Variants in WIPF2 observed in about 807,000 individuals in gnomAD.
The protein encoded by WIPF2 is WAS/WASL interacting protein family member 2.
WIPF2 carries 23 observed loss-of-function variants against 38.8 expected under a neutral mutation model. The observed-to-expected ratio is 0.59, with a 90% CI of 0.43 to 0.84. The LOEUF is 0.84. WIPF2 is among the 40% of genes least tolerant of loss of function. The pLI is 0.00. For synonymous variants in WIPF2, 210 were observed against 223.2 expected, an observed-to-expected ratio of 0.94 and a Z score of 0.53; for missense variants, 574 against 580.5, an observed-to-expected ratio of 0.99 and a Z score of 0.11.
Position 40,236,211 on chromosome 17 carries a change from C to T in WIPF2, c.-70+16719C>T, listed in dbSNP as rs569835107. On this transcript the variant is annotated intron_variant, in intron 1 of 7. Coordinates refer to ENST00000323571, the MANE Select transcript of WIPF2 (RefSeq NM_133264.5). ...TCGAACTCCTGACCTCGGGGTGATC[C>T]ACCCGCCTCAGCCTCCCAAAGTGCT... is the stretch of plus-strand genomic sequence containing the variant. Among the ~76,000 whole-genome samples, 16 of 148,658 alleles carry T rather than the reference C, an allele frequency of 1.1e-4. No individual in the cohort carries two copies. In the South Asian group the frequency reaches 3.2e-3, roughly 30 times the overall value.
rs900159988 is a variant in WIPF2, at chr17:40,236,104, G to A, written c.-70+16612G>A. Among the ~76,000 whole-genome samples, 5 of 151,574 alleles carry A rather than the reference G, an allele frequency of 3.3e-5. No homozygotes were observed. In the Admixed American group the frequency reaches 3.3e-4, roughly 10 times the overall value. ...ACCGCCCCGAGTTGCTGGGATTATA[G>A]GCATCTGCCACCACGCCTGGGCTAA... On this transcript the variant is annotated intron_variant, in intron 1 of 7. Coordinates refer to ENST00000323571, the MANE Select transcript of WIPF2 (RefSeq NM_133264.5).
chr17:40,243,289 AC>A (rs2031252799), intron 1 of WIPF2, among the ~76,000 whole-genome samples: 1 of 151,852 alleles, frequency 6.6e-6, no homozygotes, highest in African/African-American at 2.4e-5. Flanking sequence ...TGGTATACAA[AC>A]CCCCCACTGC....
intron 1 of WIPF2, among the ~76,000 whole-genome samples, chr17:40,255,628 ATTTTTTT>A (rs1174598826): frequency 2.3e-5 from 3 of 129,378 alleles, no homozygotes; most frequent in Admixed American, 7.9e-5. Flanking sequence ...CCCGGCCTAA[ATTTTTTT>A]TTTTTTTTTT....
Position 40,273,783 on chromosome 17 carries a change from A to C in WIPF2, c.971-7A>C, listed in dbSNP as rs1175428542. 6.2e-7 allele frequency: 1 copy of C among 1,601,268 alleles called. No individual in the cohort carries two copies. The highest frequency in any genetic ancestry group is 2.2e-5 in the East Asian group (1 of 44,704). On this transcript the variant is annotated splice_region_variant and splice_polypyrimidine_tract_variant and intron_variant, in intron 5 of 7. Coordinates refer to ENST00000323571, the MANE Select transcript of WIPF2 (RefSeq NM_133264.5). ...CCAAACCTAACTACTTTGGATTTTA[A>C]TTGCAGCTCCTCCACCCCCACCACC...
Position 40,279,053 on chromosome 17 carries a change from T to G in WIPF2, c.*828T>G, listed in dbSNP as rs2032490147. On this transcript the variant is annotated 3_prime_UTR_variant, in exon 8 of 8. Transcript: ENST00000323571. The stretch of plus-strand genomic sequence containing the variant: ...ACCGCCCATGCCCTTGAAAGAAAAG[T>G]CACTTTTTGTGGAGGGCATCATTCA... The G allele has an allele frequency of 6.6e-6, 1 of 152,206 alleles. No homozygotes were observed. Among genetic ancestry groups the G allele is most frequent in the Non-Finnish European group, 1.5e-5 (1 of 68,080 alleles). 9.4% of individuals were successfully genotyped at this position (152,206 alleles called of 1,614,324 possible).
intron 1 of WIPF2, among the ~76,000 whole-genome samples, chr17:40,255,326 AT>A (rs570961073): frequency 4.7e-4 from 68 of 145,106 alleles, no homozygotes; most frequent in South Asian, 4.4e-4. Context: ...CCATCTTTAA[AT>A]TTTTTTTTTT....
intron 2 of WIPF2, among the ~76,000 whole-genome samples, chr17:40,257,710 T>C (rs1327888240): frequency 7.9e-6 from 1 of 126,868 alleles, no homozygotes; most frequent in East Asian, 2.3e-4. Flanking sequence ...CATGCCGCAC[T>C]CCAGCCTGGG....
At chr17:40,262,199 G>A (rs892245322) in intron 3 of WIPF2, among the ~76,000 whole-genome samples, 1 of 150,930 alleles carries the variant, frequency 6.6e-6, no homozygotes, top group African/African-American at 2.4e-5. Context: ...TCCCATCTCA[G>A]CCTCCCGAGT....
intron 6 of WIPF2, among the ~76,000 whole-genome samples, chr17:40,276,565 C>G (rs2032407876): frequency 1.3e-5 from 2 of 149,180 alleles, no homozygotes; most frequent in African/African-American, 2.5e-5. Context: ...CTTTCTGCTA[C>G]CATGCAAACA....
rs748678251 is a variant in WIPF2 at position 40,264,756 on chromosome 17, C to G, written c.580C>G (p.Pro194Ala). The G allele has an allele frequency of 1.8e-5, 29 of 1,606,468 alleles. No individual in the cohort carries two copies. Among genetic ancestry groups the G allele is most frequent in the Non-Finnish European group, 2.4e-5 (28 of 1,176,390 alleles). Residue 194 changes from proline to alanine, a missense_variant, in exon 5 of 8, where the codon CCT (proline) becomes GCT (alanine). Coordinates refer to ENST00000323571, the MANE Select transcript of WIPF2 (RefSeq NM_133264.5). Reference sequence around the variant, plus strand: ...TGCCAACGCACCCCCCACACCTCTGCCTATGCACAGCAGCAAAGCCCCCGC... The same window carrying G: ...TGCCAACGCACCCCCCACACCTCTGGCTATGCACAGCAGCAAAGCCCCCGC... ...RRANAPPTPL[P>A]MHSSKAPAYN...
At chr17:40,234,942 A>T (rs2030901081) in intron 1 of WIPF2, among the ~76,000 whole-genome samples, 1 of 148,824 alleles carries the variant, frequency 6.7e-6, no homozygotes, top group Admixed American at 6.7e-5. Context: ...TTTGAGACGG[A>T]GTCTTGCCCT....
intron 1 of WIPF2, among the ~76,000 whole-genome samples, chr17:40,254,083 C>G (rs1215614345): frequency 6.7e-6 from 1 of 149,548 alleles, no homozygotes; most frequent in South Asian, 2.1e-4. Context: ...GTGGTGCGTT[C>G]TGGGCTTACT....
chr17:40,227,629 G>T (rs1208304444), intron 1 of WIPF2, among the ~76,000 whole-genome samples: 16 of 151,836 alleles, frequency 1.1e-4, no homozygotes, highest in Admixed American at 6.6e-5. Context: ...GAGGCGGGCG[G>T]ATCACCTGAG....
intron 4 of WIPF2, among the ~76,000 whole-genome samples, chr17:40,264,061 G>C (rs1178082171): frequency 6.6e-6 from 1 of 151,862 alleles, no homozygotes; most frequent in Non-Finnish European, 1.5e-5. Context: ...GGCCGGACGT[G>C]GTGGCTCACG....
intron 1 of WIPF2, among the ~76,000 whole-genome samples, chr17:40,226,575 T>G (rs182916187): frequency 3.8e-4 from 58 of 152,216 alleles, no homozygotes; most frequent in Middle Eastern, 3.4e-3. Flanking sequence ...GATTTGTGGA[T>G]AAGTGGACTT....
At chr17:40,266,509 T>C (rs564068907) in intron 5 of WIPF2, among the ~76,000 whole-genome samples, 3 of 151,938 alleles carry the variant, frequency 2.0e-5, no homozygotes, top group African/African-American at 7.2e-5. Flanking sequence ...TGGTGGAGGG[T>C]GAAAGTGAAA....
At chr17:40,259,834 C>T (rs894989782) in intron 2 of WIPF2, among the ~76,000 whole-genome samples, 3 of 152,144 alleles carry the variant, frequency 2.0e-5, no homozygotes, top group Admixed American at 2.0e-4. Context: ...TTTAAATGAG[C>T]TAAGGCAAAT....
chr17:40,256,920 C>T (rs746767784), intron 2 of WIPF2, among the ~76,000 whole-genome samples: 1 of 152,010 alleles, frequency 6.6e-6, no homozygotes, highest in Admixed American at 6.6e-5. Context: ...TCCCCTAAAA[C>T]TATTTGCTGT....
At chr17:40,222,969 C>T (rs546484360) in intron 1 of WIPF2, among the ~76,000 whole-genome samples, 73 of 146,926 alleles carry the variant, frequency 5.0e-4, no homozygotes, top group African/African-American at 1.7e-3. Context: ...CCACACCTGG[C>T]CGCATGTTTA....
Sources: gnomAD v4.1 joint callset for allele counts (sites outside exome capture counted in the v4.1 genomes callset) on GRCh38, gnomAD v4.1.1 for gene constraint, MANE v1.5 for transcripts, NCBI Gene and HGNC (gene_info 2026-07-23, HGNC 2026-07-21) for gene names.